The following CELF4 variants were observed in gnomAD, a reference collection of about 807,000 sequenced individuals.
CELF4 encodes the protein CUGBP Elav-like family member 4, also known as CUG-BP- and ETR-3-like factor 4.
Under a neutral mutation model 59.9 loss-of-function variants are expected in CELF4, and 18 were observed. That is an observed-to-expected ratio of 0.30 (90% confidence interval 0.21 to 0.45). The LOEUF (loss-of-function observed/expected upper bound fraction) is 0.45. CELF4 is among the 20% of genes least tolerant of loss of function. The pLI is 1.00. For synonymous variants in CELF4, 261 were observed against 267.1 expected, an observed-to-expected ratio of 0.98 and a Z score of 0.22; for missense variants, 456 against 689.0, an observed-to-expected ratio of 0.66 and a Z score of 3.79.
At position 37,275,168 on chromosome 18, in the gene CELF4, A is replaced by G. The variant is rs776967728; in HGVS notation, c.524T>C (p.Phe175Ser). The G allele has an allele frequency of 6.2e-7, 1 of 1,613,608 alleles. No individual in the cohort carries two copies. Among genetic ancestry groups the G allele is most frequent in the Admixed American group, 1.7e-5 (1 of 60,020 alleles). The change falls in exon 4 of 13, where the codon TTT (phenylalanine) becomes TCT (serine). Residue 175 changes from phenylalanine to serine, a missense_variant. Phe to Ser is a radical substitution (Grantham distance 155). This residue lies in a region of CELF4 where 56 missense variants were observed against 92.0 expected (regional missense o/e 0.61). Transcript: ENST00000420428. ...GATGGTGCACTCCTCGATGTTCCCA[A>G]AGGCCTCGAAAAGGCGGCGCACGTC... The part of the protein sequence containing the change: ...EDDVRRLFEA[F>S]GNIEECTILR...
intron 2 of CELF4, among the ~76,000 whole-genome samples, chr18:37,438,009 C>T (rs2099698752): frequency 6.6e-6 from 1 of 152,178 alleles, no homozygotes; most frequent in Non-Finnish European, 1.5e-5. Flanking sequence ...CAGTCTCCCT[C>T]CAACATGAAA....
intron 11 of CELF4, 72 bp downstream of exon 11, chr18:37,259,109 A>T: frequency 6.2e-7 from 1 of 1,609,176 alleles, no homozygotes. Context: ...TTGGTTTGTT[A>T]TCTTTACCCA....
At chr18:37,417,869 G>C (rs2099541992) in intron 2 of CELF4, among the ~76,000 whole-genome samples, 1 of 152,184 alleles carries the variant, frequency 6.6e-6, no homozygotes, top group Non-Finnish European at 1.5e-5. Flanking sequence ...AAGGGGTGGG[G>C]TAAGAAACAT....
chr18:37,419,597 C>A (rs148880079), intron 2 of CELF4, among the ~76,000 whole-genome samples: 1 of 152,134 alleles, frequency 6.6e-6, no homozygotes, highest in South Asian at 2.1e-4. Context: ...GGGAGGGAGG[C>A]GGCCATGTGG....
intron 2 of CELF4, among the ~76,000 whole-genome samples, chr18:37,338,964 G>A (rs2097888188): frequency 1.3e-5 from 2 of 152,170 alleles, no homozygotes; most frequent in African/African-American, 4.8e-5. Context: ...CCAGGCAAGA[G>A]GATGGGCAAT....
chr18:37,519,204 A>C (rs1037604029), intron 1 of CELF4, among the ~76,000 whole-genome samples: 7 of 152,076 alleles, frequency 4.6e-5, no homozygotes, highest in African/African-American at 1.7e-4. Context: ...ATCAGCTTTA[A>C]ATTTCTAACA....
chr18:37,353,247 T>TATATATATATATATATATAC (rs1569567418), intron 2 of CELF4, among the ~76,000 whole-genome samples: 2 of 146,256 alleles, frequency 1.4e-5, no homozygotes, highest in African/African-American at 5.0e-5. Context: ...TATATATATA[T>TATATATATATATATATATAC]ATACATAAAA....
chr18:37,410,611 CT>C (rs1310221007), intron 2 of CELF4, among the ~76,000 whole-genome samples: 1 of 152,250 alleles, frequency 6.6e-6, no homozygotes, highest in African/African-American at 2.4e-5. Flanking sequence ...CATAGGCCAT[CT>C]ACGCTTTTGG....
chr18:37,552,543 C>T (rs919933800), intron 1 of CELF4, among the ~76,000 whole-genome samples: 3 of 152,248 alleles, frequency 2.0e-5, no homozygotes, highest in African/African-American at 4.8e-5. Flanking sequence ...TGCAGGGATG[C>T]TCTCCTCCTG....
At chr18:37,325,225 A>T (rs1179143872) in intron 2 of CELF4, among the ~76,000 whole-genome samples, 1 of 151,970 alleles carries the variant, frequency 6.6e-6, no homozygotes, top group East Asian at 1.9e-4. Context: ...TGCTAGGCAG[A>T]CCCCACATCC....
At chr18:37,467,651 TTC>T (rs2154602414) in intron 2 of CELF4, among the ~76,000 whole-genome samples, 1 of 152,284 alleles carries the variant, frequency 6.6e-6, no homozygotes, top group African/African-American at 2.4e-5. Flanking sequence ...TCAGAATCCA[TTC>T]TGTTTCCATT....
intron 1 of CELF4, among the ~76,000 whole-genome samples, chr18:37,547,276 C>A (rs1269476478): frequency 6.6e-6 from 1 of 151,934 alleles, no homozygotes; most frequent in Non-Finnish European, 1.5e-5. Flanking sequence ...GCTGGAGCAG[C>A]CTTGGGTGGA....
intron 2 of CELF4, among the ~76,000 whole-genome samples, chr18:37,449,809 T>C (rs1232025491): frequency 6.6e-6 from 1 of 152,214 alleles, no homozygotes; most frequent in South Asian, 2.1e-4. Flanking sequence ...GCAAAGGCCC[T>C]GGGGCATGTG....
At chr18:37,504,872 G>C (rs1265040502) in intron 1 of CELF4, among the ~76,000 whole-genome samples, 1 of 152,236 alleles carries the variant, frequency 6.6e-6, no homozygotes, top group African/African-American at 2.4e-5. Context: ...CTCAGCATCT[G>C]GCTGGGGCAA....
intron 2 of CELF4, among the ~76,000 whole-genome samples, chr18:37,351,203 T>C (rs1360711489): frequency 6.6e-6 from 1 of 151,588 alleles, no homozygotes; most frequent in African/African-American, 2.4e-5. Context: ...CTAGTTTAAG[T>C]GGCCCAATTA....
At chr18:37,473,255 C>T (rs901884672) in intron 2 of CELF4, 4 of 152,296 alleles carry the variant, frequency 2.6e-5, no homozygotes, top group African/African-American at 9.6e-5. Flanking sequence ...CTGCTTCAGT[C>T]TCTGAAAATA....
chr18:37,532,055 C>T (rs982249652), intron 1 of CELF4, among the ~76,000 whole-genome samples: 1 of 152,206 alleles, frequency 6.6e-6, no homozygotes, highest in Non-Finnish European at 1.5e-5. Flanking sequence ...CATGCTAGCT[C>T]CCCTTCCACC....
In CELF4 at chr18:37,356,706, T is replaced by C. The variant is rs1339066384; in HGVS notation, c.370-34825A>G. ...TCTGCTTTTGGCCACATCCTCTCAA[T>C]AATCCCAAAAGCTATTAAAGGAAAG... On this transcript the variant is annotated intron_variant, in intron 2 of 12. Coordinates refer to ENST00000420428, the MANE Select transcript of CELF4 (RefSeq NM_020180.4). Among the ~76,000 whole-genome samples, 4 of 152,186 alleles carry C rather than the reference T, an allele frequency of 2.6e-5. No homozygotes were observed. The East Asian group carries it at 7.7e-4, about 29-fold the overall frequency.
intron 2 of CELF4, among the ~76,000 whole-genome samples, chr18:37,459,363 G>A (rs2099787441): frequency 6.6e-6 from 1 of 152,142 alleles, no homozygotes; most frequent in Non-Finnish European, 1.5e-5. Context: ...GTCTGTGTAG[G>A]TAACTCTCTC....
Sources: allele counts gnomAD v4.1 joint callset (sites outside exome capture counted in the v4.1 genomes callset), GRCh38; gene constraint gnomAD v4.1.1; regional missense constraint gnomAD v4.1.1; transcripts MANE v1.5; gene names NCBI Gene and HGNC (gene_info 2026-07-23, HGNC 2026-07-21).